CMC1: variants seen among roughly 807,000 people sequenced by gnomAD.
CMC1 encodes COX assembly mitochondrial protein homolog.
In CMC1, 14 loss-of-function variants were observed where a neutral mutation model predicts 14.1. The ratio of observed to expected loss-of-function variants is 0.99; its 90% CI spans 0.66 to 1.55. CMC1 has a LOEUF of 1.55. Among genes scored for constraint, CMC1 ranks in the 40% most tolerant of loss-of-function variants. The pLI is 0.00. For synonymous variants in CMC1, 50 were observed against 38.4 expected, an observed-to-expected ratio of 1.30 and a Z score of -1.12; for missense variants, 127 against 123.8, an observed-to-expected ratio of 1.03 and a Z score of -0.12.
At chr3:28,259,674 T>C (rs1699630118) in intron 1 of CMC1, among the ~76,000 whole-genome samples, 1 of 152,206 alleles carries the variant, frequency 6.6e-6, no homozygotes, top group East Asian at 1.9e-4. Flanking sequence ...TTTTGAAATA[T>C]AGACTCACAT....
intron 2 of CMC1, among the ~76,000 whole-genome samples, chr3:28,290,895 T>A: frequency 6.6e-6 from 1 of 152,070 alleles, no homozygotes; most frequent in East Asian, 1.9e-4. Context: ...CTGGGTCTTC[T>A]GCTTCAGTTT....
At chr3:28,250,818 AG>A (rs1699092691) in intron 1 of CMC1, among the ~76,000 whole-genome samples, 1 of 152,232 alleles carries the variant, frequency 6.6e-6, no homozygotes, top group African/African-American at 2.4e-5. Context: ...GGATTGCCCC[AG>A]GAGGATTAAG....
intron 1 of CMC1, among the ~76,000 whole-genome samples, chr3:28,247,114 C>G (rs1157612525): frequency 2.6e-5 from 4 of 152,104 alleles, no homozygotes; most frequent in Admixed American, 2.0e-4. Context: ...CATATACTCT[C>G]ACCATTTTTT....
intron 2 of CMC1, among the ~76,000 whole-genome samples, chr3:28,315,466 T>C (rs1702848555): frequency 6.6e-6 from 1 of 152,162 alleles, no homozygotes; most frequent in Non-Finnish European, 1.5e-5. Flanking sequence ...TAAGAAACCA[T>C]GGCAGGGTTG....
chr3:28,274,206 GTTTTTGTTTTTTTCTT>G (rs1700444665), intron 2 of CMC1, among the ~76,000 whole-genome samples: 1 of 83,096 alleles, frequency 1.2e-5, no homozygotes, highest in African/African-American at 4.3e-5. Flanking sequence ...GTACTAAAGT[GTTTTTGTTTTTTTCTT>G]TTTTTTTTTT....
intron 2 of CMC1, among the ~76,000 whole-genome samples, chr3:28,289,420 G>T (rs532562322): frequency 1.3e-5 from 2 of 151,988 alleles, no homozygotes; most frequent in East Asian, 1.9e-4. Flanking sequence ...TATAAAAGCC[G>T]AGTATAACAT....
chr3:28,292,390 GA>G (rs1281554497), intron 2 of CMC1, among the ~76,000 whole-genome samples: 2 of 151,868 alleles, frequency 1.3e-5, no homozygotes, highest in Admixed American at 1.3e-4. Context: ...TTTCTATCTA[GA>G]AAATTTCTTT....
At chr3:28,307,742 T>G (rs1702402176) in intron 2 of CMC1, among the ~76,000 whole-genome samples, 1 of 152,248 alleles carries the variant, frequency 6.6e-6, no homozygotes, top group Non-Finnish European at 1.5e-5. Flanking sequence ...ATTAGTTTTC[T>G]ATTGCTATTG....
At chr3:28,317,424 G>T (rs1444222996) in intron 3 of CMC1, 1 of 151,880 alleles carries the variant, frequency 6.6e-6, no homozygotes, top group East Asian at 1.9e-4. Flanking sequence ...AGGAGTAAAA[G>T]TTCATTCTGT....
intron 1 of CMC1, among the ~76,000 whole-genome samples, chr3:28,257,267 A>G (rs1041268711): frequency 2.6e-5 from 4 of 152,160 alleles, no homozygotes; most frequent in South Asian, 2.1e-4. Context: ...TTCAGCTCCC[A>G]TATATAACCA....
At chr3:28,249,348 C>T (rs990837603) in intron 1 of CMC1, among the ~76,000 whole-genome samples, 28 of 152,128 alleles carry the variant, frequency 1.8e-4, no homozygotes, top group African/African-American at 6.8e-4. Context: ...TAGGTACATA[C>T]GTATTTGTTT....
chr3:28,248,115 C>T (rs1014406953), intron 1 of CMC1, among the ~76,000 whole-genome samples: 19 of 151,734 alleles, frequency 1.3e-4, no homozygotes, highest in African/African-American at 3.1e-4. Context: ...TTTTCTTTGA[C>T]GAATAAAAGG....
intron 1 of CMC1, among the ~76,000 whole-genome samples, chr3:28,259,898 C>G (rs1367277895): frequency 1.3e-5 from 2 of 151,828 alleles, no homozygotes; most frequent in Non-Finnish European, 2.9e-5. Context: ...TACCATGTTT[C>G]TTTTTTTATA....
intron 2 of CMC1, among the ~76,000 whole-genome samples, chr3:28,312,861 T>A (rs190409595): frequency 2.2e-4 from 33 of 152,282 alleles, no homozygotes; most frequent in South Asian, 8.3e-4. Context: ...GAATTTTTTT[T>A]AAATTTTTTT....
intron 2 of CMC1, among the ~76,000 whole-genome samples, chr3:28,270,215 A>G (rs1328087446): frequency 6.6e-6 from 1 of 152,222 alleles, no homozygotes; most frequent in Non-Finnish European, 1.5e-5. Flanking sequence ...TGCTGCAGTG[A>G]ACATACACAT....
intron 2 of CMC1, among the ~76,000 whole-genome samples, chr3:28,276,436 ATAT>A (rs1424258380): frequency 2.0e-3 from 306 of 152,294 alleles, no homozygotes; most frequent in African/African-American, 6.9e-3. Flanking sequence ...AAATGAATAT[ATAT>A]TATTATAAAA....
intron 2 of CMC1, among the ~76,000 whole-genome samples, chr3:28,287,391 G>A (rs764360686): frequency 2.0e-5 from 3 of 152,186 alleles, no homozygotes; most frequent in Non-Finnish European, 4.4e-5. Flanking sequence ...ATTTATGTTG[G>A]AATCTTTCTC....
chr3:28,284,867 T>A (rs1210301567), intron 2 of CMC1, among the ~76,000 whole-genome samples: 1 of 152,158 alleles, frequency 6.6e-6, no homozygotes, highest in Non-Finnish European at 1.5e-5. Flanking sequence ...TAGCAAACTC[T>A]TAGGGAATAA....
intron 2 of CMC1, among the ~76,000 whole-genome samples, chr3:28,305,764 G>C (rs1011296211): frequency 8.8e-5 from 11 of 124,584 alleles, no homozygotes; most frequent in Admixed American, 7.2e-4. Context: ...GTGTCCAGAA[G>C]AGTTTTTCAT....
Sources: gnomAD v4.1 joint callset for allele counts (sites outside exome capture counted in the v4.1 genomes callset) on GRCh38, gnomAD v4.1.1 for gene constraint, MANE v1.5 for transcripts, NCBI Gene and HGNC (gene_info 2026-07-23, HGNC 2026-07-21) for gene names.